Variants in SHROOM4 observed in about 807,000 individuals in gnomAD.
SHROOM4 encodes shroom family member 4, also known as protein Shroom4.
In SHROOM4, 17 loss-of-function variants were observed where a neutral mutation model predicts 80.3. The observed-to-expected ratio is 0.21, with a 90% CI of 0.14 to 0.32. The LOEUF (loss-of-function observed/expected upper bound fraction) is 0.32. Among genes scored for constraint, SHROOM4 ranks in the 10% least tolerant of loss-of-function variants. The pLI is 1.00. For synonymous variants in SHROOM4, 400 were observed against 437.5 expected, an observed-to-expected ratio of 0.91 and a Z score of 1.07; for missense variants, 993 against 1,140.3, an observed-to-expected ratio of 0.87 and a Z score of 1.86.
chrX:50,653,295 G>T (rs1932182847), intron 2 of SHROOM4, among the ~76,000 whole-genome samples: 1 of 111,244 alleles, frequency 9.0e-6, no homozygotes, highest in Non-Finnish European at 1.9e-5. Context: ...CTTGTAAGTT[G>T]TATTCCTAGG....
At chrX:50,681,209 A>G (rs1932934858) in intron 2 of SHROOM4, among the ~76,000 whole-genome samples, 1 of 111,362 alleles carries the variant, frequency 9.0e-6, no homozygotes, top group Non-Finnish European at 1.9e-5. Context: ...TTTCCCATAC[A>G]GCAGCCACGG....
chrX:50,732,453 AAC>A (rs1454104241), intron 1 of SHROOM4, among the ~76,000 whole-genome samples: 1 of 111,979 alleles, frequency 8.9e-6, no homozygotes, highest in Non-Finnish European at 1.9e-5. Context: ...AAATTAATAA[AAC>A]AGAGAATGGA....
intron 4 of SHROOM4, among the ~76,000 whole-genome samples, chrX:50,628,364 T>C (rs1311985070): frequency 9.0e-6 from 1 of 111,447 alleles, no homozygotes; most frequent in Non-Finnish European, 1.9e-5. Context: ...AACTCTTTTT[T>C]TTTTCTAGGC....
At chrX:50,674,655 A>G (rs955883164) in intron 2 of SHROOM4, among the ~76,000 whole-genome samples, 3 of 111,754 alleles carry the variant, frequency 2.7e-5, no homozygotes, top group Non-Finnish European at 5.7e-5. Flanking sequence ...AGGAGAAAAA[A>G]TTTGGGATCT....
In SHROOM4 at chrX:50,633,379, A is replaced by G; in HGVS notation, c.2694T>C (p.His898=). 1 of 1,212,128 alleles carries G rather than the reference A, an allele frequency of 8.2e-7. No homozygotes were observed. Among genetic ancestry groups the G allele is most frequent in the Non-Finnish European group, 1.1e-6 (1 of 895,556 alleles). Reference sequence around the variant, plus strand: ...CCCCAGAACAATAAATGCAAGGATCATGGACTAGAGCTCCTTGAACACTGC... The same window carrying G: ...CCCCAGAACAATAAATGCAAGGATCGTGGACTAGAGCTCCTTGAACACTGC... ...YSCSVQGALV[H]DPCIYCSGEI... is the part of the protein sequence containing the mutation. Residue 898 remains histidine, a synonymous_variant, in exon 4 of 9, where the codon CAT becomes CAC. Transcript: ENST00000376020.
At chrX:50,659,222 C>A (rs1932415072) in intron 2 of SHROOM4, among the ~76,000 whole-genome samples, 1 of 111,911 alleles carries the variant, frequency 8.9e-6, no homozygotes, top group African/African-American at 3.3e-5. Context: ...ATAGTAAAAT[C>A]AGATTCACAT....
intron 1 of SHROOM4, among the ~76,000 whole-genome samples, chrX:50,770,884 G>A (rs1310957416): frequency 8.9e-6 from 1 of 111,817 alleles, no homozygotes; most frequent in African/African-American, 3.3e-5. Flanking sequence ...AGCCTTTGAA[G>A]TCAGAGAGAA....
the SHROOM4 span, among the ~76,000 whole-genome samples, chrX:50,577,849 T>A: frequency 9.0e-6 from 1 of 111,363 alleles, no homozygotes. Flanking sequence ...CATTCACTCC[T>A]CCACACTTTT....
chrX:50,716,455 A>G (rs1419039661), intron 1 of SHROOM4, among the ~76,000 whole-genome samples: 1 of 111,881 alleles, frequency 8.9e-6, no homozygotes, highest in African/African-American at 3.3e-5. Flanking sequence ...GTTGTACACC[A>G]TAAATATATA....
chrX:50,628,558 C>T (rs890807567), intron 4 of SHROOM4, among the ~76,000 whole-genome samples: 1 of 111,808 alleles, frequency 8.9e-6, no homozygotes, highest in Non-Finnish European at 1.9e-5. Context: ...CTCCCTCTTT[C>T]TCCAATGCTA....
At chrX:50,609,196 AG>A (rs1259369221) in intron 5 of SHROOM4, among the ~76,000 whole-genome samples, 1 of 110,354 alleles carries the variant, frequency 9.1e-6, no homozygotes, top group Non-Finnish European at 1.9e-5. Flanking sequence ...TGGGAGGTCG[AG>A]GCTACAGTGA....
intron 1 of SHROOM4, among the ~76,000 whole-genome samples, chrX:50,776,948 A>G (rs1271658051): frequency 1.8e-5 from 2 of 111,219 alleles, no homozygotes; most frequent in African/African-American, 3.3e-5. Flanking sequence ...TCGGCCTCCC[A>G]AAGTGCTAGG....
At chrX:50,747,028 A>AT (rs1466165455) in intron 1 of SHROOM4, among the ~76,000 whole-genome samples, 3 of 111,800 alleles carry the variant, frequency 2.7e-5, no homozygotes, top group Non-Finnish European at 3.8e-5. Context: ...AGTTGGTACA[A>AT]TTTTTTCCCA....
chrX:50,755,364 A>G (rs190733660), intron 1 of SHROOM4, among the ~76,000 whole-genome samples: 2 of 111,949 alleles, frequency 1.8e-5, no homozygotes, highest in African/African-American at 6.5e-5. Flanking sequence ...CACATGGACA[A>G]CTCAGGGACA....
chrX:50,685,619 C>T (rs781802274), intron 2 of SHROOM4, among the ~76,000 whole-genome samples: 11 of 112,226 alleles, frequency 9.8e-5, no homozygotes, highest in Non-Finnish European at 2.1e-4. Context: ...TGGAAAGAAA[C>T]CTTGACTGGT....
At chrX:50,771,658 T>C (rs1318520357) in intron 1 of SHROOM4, among the ~76,000 whole-genome samples, 3 of 112,480 alleles carry the variant, frequency 2.7e-5, no homozygotes, top group Non-Finnish European at 5.6e-5. Flanking sequence ...CCATTCATTA[T>C]GCCATTTAAT....
At chrX:50,735,608 C>T (rs958010657) in intron 1 of SHROOM4, among the ~76,000 whole-genome samples, 17 of 110,473 alleles carry the variant, frequency 1.5e-4, no homozygotes, top group African/African-American at 5.6e-4. Flanking sequence ...AAAATTAGAA[C>T]TCAATGATAA....
intron 1 of SHROOM4, among the ~76,000 whole-genome samples, chrX:50,737,086 T>C (rs1297704954): frequency 1.8e-5 from 2 of 111,494 alleles, no homozygotes; most frequent in Non-Finnish European, 3.8e-5. Flanking sequence ...AACAGGGAAA[T>C]GAATGGAACT....
At chrX:50,747,138 C>T (rs1274761384) in intron 1 of SHROOM4, among the ~76,000 whole-genome samples, 2 of 111,859 alleles carry the variant, frequency 1.8e-5, no homozygotes, top group African/African-American at 6.5e-5. Flanking sequence ...TCAGATCTGA[C>T]ACTTAGGTTA....
Sources: gnomAD v4.1 joint callset for allele counts (sites outside exome capture counted in the v4.1 genomes callset) on GRCh38, gnomAD v4.1.1 for gene constraint, MANE v1.5 for transcripts, NCBI Gene and HGNC (gene_info 2026-07-23, HGNC 2026-07-21) for gene names.